PKNOX1: variants seen among roughly 807,000 people sequenced by gnomAD.
PKNOX1 encodes the protein PBX/knotted 1 homeobox 1.
PKNOX1 carries 15 observed loss-of-function variants against 51.9 expected under a neutral mutation model. The observed-to-expected ratio is 0.29, with a 90% CI of 0.19 to 0.45. PKNOX1 has a LOEUF of 0.45. Among genes scored for constraint, PKNOX1 ranks in the 20% least tolerant of loss-of-function variants. The pLI, the probability that PKNOX1 is intolerant of heterozygous loss-of-function variation, is 1.00. For missense variants in PKNOX1, 462 were observed against 547.5 expected (o/e 0.84, Z 1.56); for synonymous variants, 219 against 211.1 (o/e 1.04, Z -0.32).
chr21:43,018,070 A>AAT, intron 6 of PKNOX1, 63 bp from the exon 7 acceptor site: 1 of 808,672 alleles, frequency 1.2e-6, no homozygotes. Context: ...AAAAAAAAAA[A>AAT]GAAGAATGGT....
At chr21:43,003,380 G>A (rs1978847395) in intron 1 of PKNOX1, among the ~76,000 whole-genome samples, 1 of 152,182 alleles carries the variant, frequency 6.6e-6, no homozygotes, top group Non-Finnish European at 1.5e-5. Flanking sequence ...GTTTTCTGTT[G>A]TCATGAAGCA....
At chr21:43,027,524 A>G (rs1381142061) in intron 9 of PKNOX1, among the ~76,000 whole-genome samples, 1 of 152,190 alleles carries the variant, frequency 6.6e-6, no homozygotes, top group Non-Finnish European at 1.5e-5. Context: ...AGCTCATAGC[A>G]TAAGAATGGG....
chr21:43,028,922 A>T (rs1271278171), intron 10 of PKNOX1, 48 bp downstream of exon 10: 1 of 1,587,880 alleles, frequency 6.3e-7, no homozygotes, highest in South Asian at 1.1e-5. Context: ...TGGGGTGGGG[A>T]TTATGAACAA....
chr21:43,016,385 CTT>C (rs1979489573), intron 5 of PKNOX1, among the ~76,000 whole-genome samples: 1 of 152,222 alleles, frequency 6.6e-6, no homozygotes, highest in African/African-American at 2.4e-5. Flanking sequence ...CAAGATCACA[CTT>C]AGTCCGTGCC....
chr21:43,013,233 T>C lies in PKNOX1; in HGVS notation c.517T>C (p.Ser173Pro). Residue 173 changes from serine (S) to proline (P), a missense_variant, in exon 5 of 11, where the codon TCC (serine) becomes CCC (proline). Coordinates refer to ENST00000291547, the MANE Select transcript of PKNOX1 (RefSeq NM_004571.5). ...TGGAAGCCCGTACTCACCAGTGCAG[T>C]CCCAGGTACTTACATTTGGGGGTCT... is the stretch of plus-strand genomic sequence containing the variant. ...EPGSPYSPVQ[S>P]QQIQSAITGT... 1 of 1,582,104 alleles carries C rather than the reference T, an allele frequency of 6.3e-7. No homozygotes were observed. Among genetic ancestry groups the C allele is most frequent in the Non-Finnish European group, 8.6e-7 (1 of 1,162,468 alleles).
intron 9 of PKNOX1, among the ~76,000 whole-genome samples, chr21:43,026,931 T>G (rs1026371847): frequency 6.6e-6 from 1 of 152,144 alleles, no homozygotes; most frequent in Non-Finnish European, 1.5e-5. Flanking sequence ...GCTAATATAA[T>G]TGTAGATATT....
intron 1 of PKNOX1, among the ~76,000 whole-genome samples, chr21:42,975,722 G>A (rs1263997137): frequency 1.3e-5 from 2 of 152,238 alleles, no homozygotes; most frequent in African/African-American, 4.8e-5. Context: ...AGGCCAGGCT[G>A]AGCGCCACGG....
Position 43,007,580 on chromosome 21 carries a change from T to TC in PKNOX1, c.142dup (p.Gln48ProfsTer13). 6.2e-7 allele frequency: 1 copy of TC among 1,614,176 alleles called. No individual in the cohort carries two copies. Among genetic ancestry groups the TC allele is most frequent in the Non-Finnish European group, 8.5e-7 (1 of 1,180,014 alleles). ...GAGTGAGCCCTCCCCCTGTGGAGTC[T>TC]CAGACCCCGATGGATGTGGACAAGC... On this transcript the variant is annotated frameshift_variant, in exon 3 of 11. Coordinates refer to ENST00000291547, the MANE Select transcript of PKNOX1 (RefSeq NM_004571.5). LOFTEE classifies it high-confidence loss of function.
chr21:43,003,090 T>C (rs1180543845), intron 1 of PKNOX1, among the ~76,000 whole-genome samples: 1 of 152,202 alleles, frequency 6.6e-6, no homozygotes, highest in Non-Finnish European at 1.5e-5. Context: ...CAGGATTTCT[T>C]TCCATTTAAC....
chr21:42,978,490 T>C (rs2059009607), intron 1 of PKNOX1, among the ~76,000 whole-genome samples: 4 of 147,916 alleles, frequency 2.7e-5, no homozygotes, highest in African/African-American at 9.9e-5. Flanking sequence ...TCTTTTCTTT[T>C]TTTTTTTTTT....
At chr21:42,986,473 C>T (rs1433834476) in intron 1 of PKNOX1, among the ~76,000 whole-genome samples, 1 of 152,118 alleles carries the variant, frequency 6.6e-6, no homozygotes, top group Admixed American at 6.6e-5. Context: ...TGCACTCCAG[C>T]CTGGGTGACC....
chr21:43,026,704 C>A (rs994795483), intron 9 of PKNOX1, among the ~76,000 whole-genome samples: 3 of 152,060 alleles, frequency 2.0e-5, no homozygotes, highest in Admixed American at 6.6e-5. Flanking sequence ...TTGCAGTGAG[C>A]CCAGATCGCA....
chr21:43,026,529 T>C (rs1401432822), intron 9 of PKNOX1, among the ~76,000 whole-genome samples: 1 of 151,958 alleles, frequency 6.6e-6, no homozygotes, highest in African/African-American at 2.4e-5. Flanking sequence ...GAGGCCGAGG[T>C]GGGCAGATCA....
chr21:42,992,084 T>TGAGC (rs1306848098), intron 1 of PKNOX1, among the ~76,000 whole-genome samples: 1 of 152,250 alleles, frequency 6.6e-6, no homozygotes, highest in Admixed American at 6.5e-5. Flanking sequence ...TGGTCACAGC[T>TGAGC]GAGCGTCTTT....
rs763001517 is a variant in PKNOX1, at chr21:43,013,217, G to A, written c.501G>A (p.Pro167=). 17 of 1,610,726 alleles carry A rather than the reference G, an allele frequency of 1.1e-5. No homozygotes were observed. The highest frequency in any genetic ancestry group is 1.7e-5 in the Admixed American group (1 of 59,526). ...TGTTGAGTGGAGAGCCTGGAAGCCC[G>A]TACTCACCAGTGCAGTCCCAGGTAC... ...ETLLSGEPGS[P]YSPVQSQQIQ... Residue 167 remains proline, a synonymous_variant, in exon 5 of 11, where the codon CCG becomes CCA. Transcript: ENST00000291547.
At chr21:42,992,149 T>C (rs1019187831) in intron 1 of PKNOX1, among the ~76,000 whole-genome samples, 3 of 152,242 alleles carry the variant, frequency 2.0e-5, no homozygotes, top group Non-Finnish European at 2.9e-5. Context: ...GTGTTTCCCA[T>C]TTTGAATAAT....
chr21:43,006,327 T>C (rs941742347), intron 2 of PKNOX1, among the ~76,000 whole-genome samples: 1 of 152,172 alleles, frequency 6.6e-6, no homozygotes, highest in Non-Finnish European at 1.5e-5. Context: ...GGTTTCACCA[T>C]GTTGGCCAGG....
rs1371681374 is a variant in PKNOX1 at position 42,987,650 on chromosome 21, G to C, written c.-57+12986G>C. Among the ~76,000 whole-genome samples, 6 of 137,532 alleles carry C rather than the reference G, an allele frequency of 4.4e-5. No homozygotes were observed. In the South Asian group the frequency reaches 1.1e-3, roughly 26 times the overall value. 90.2% of individuals were successfully genotyped at this position (137,532 alleles called of 152,430 possible). On this transcript the variant is annotated intron_variant, in intron 1 of 10. Transcript: ENST00000291547. ...TTTTTTTTTTTGAGATGGAGTCTTC[G>C]CTCTTTCACCCGGGCTGGAGTGCAG...
intron 3 of PKNOX1, among the ~76,000 whole-genome samples, chr21:43,008,061 T>TCTCTCTCACACACACACACA (rs59792199): frequency 1.4e-5 from 2 of 146,776 alleles, no homozygotes. Flanking sequence ...CAAAACTCTG[T>TCTCTCTCACACACACACACA]CACACACACA....
Sources: allele counts gnomAD v4.1 joint callset (sites outside exome capture counted in the v4.1 genomes callset), GRCh38; gene constraint gnomAD v4.1.1; transcripts MANE v1.5; gene names NCBI Gene and HGNC (gene_info 2026-07-23, HGNC 2026-07-21).